LRP1B: variants seen among roughly 807,000 people sequenced by gnomAD.
LRP1B encodes the protein low-density lipoprotein receptor-related protein 1B.
In LRP1B, 217 loss-of-function variants were observed where a neutral mutation model predicts 556.6. The observed-to-expected ratio is 0.39, with a 90% CI of 0.35 to 0.44. The LOEUF is 0.44. Ranked by LOEUF, LRP1B falls within the 20% of genes least tolerant of loss-of-function variation. The pLI is 1.00. For missense variants in LRP1B, 5,053 were observed against 5,620.8 expected (o/e 0.90, Z 3.23); for synonymous variants, 2,047 against 1,865.8 (o/e 1.10, Z -2.50).
intron 2 of LRP1B, among the ~76,000 whole-genome samples, chr2:141,580,097 G>C (rs1223933876): frequency 6.6e-6 from 1 of 152,268 alleles, no homozygotes; most frequent in African/African-American, 2.4e-5. Context: ...TGGTATTCAA[G>C]ATACTTTGAC....
At chr2:141,093,515 G>A (rs938714268) in intron 7 of LRP1B, among the ~76,000 whole-genome samples, 2 of 152,148 alleles carry the variant, frequency 1.3e-5, no homozygotes, top group Non-Finnish European at 2.9e-5. Flanking sequence ...AATGAGAACA[G>A]TGAAACACTG....
At chr2:141,041,988 T>A (rs1698716350) in intron 11 of LRP1B, among the ~76,000 whole-genome samples, 2 of 152,078 alleles carry the variant, frequency 1.3e-5, no homozygotes, top group Admixed American at 1.3e-4. Context: ...GTTCTGGGGA[T>A]GAGGACCTAG....
intron 2 of LRP1B, among the ~76,000 whole-genome samples, chr2:141,779,851 T>C (rs988298232): frequency 6.6e-6 from 1 of 151,888 alleles, no homozygotes; most frequent in African/African-American, 2.4e-5. Context: ...GTCACTGATA[T>C]TTTCACTATG....
chr2:141,760,636 A>G (rs1694510505), intron 2 of LRP1B, among the ~76,000 whole-genome samples: 1 of 152,200 alleles, frequency 6.6e-6, no homozygotes, highest in African/African-American at 2.4e-5. Flanking sequence ...AAATCTTTTT[A>G]AGGTTGGGTC....
intron 1 of LRP1B, among the ~76,000 whole-genome samples, chr2:141,842,713 T>C (rs1189666400): frequency 6.6e-6 from 1 of 152,136 alleles, no homozygotes; most frequent in Non-Finnish European, 1.5e-5. Flanking sequence ...GGATGGATAA[T>C]GAAACAATCG....
chr2:141,007,062 A>T (rs979946933), intron 14 of LRP1B, among the ~76,000 whole-genome samples: 2 of 151,908 alleles, frequency 1.3e-5, no homozygotes, highest in African/African-American at 4.8e-5. Flanking sequence ...AATAAATAAC[A>T]TTTTTTATAT....
At chr2:140,936,265 G>C (rs1442629873) in intron 20 of LRP1B, among the ~76,000 whole-genome samples, 1 of 146,610 alleles carries the variant, frequency 6.8e-6, no homozygotes, top group African/African-American at 2.5e-5. Flanking sequence ...GCTTGAACCT[G>C]GGAGGTGGAG....
chr2:140,558,418 A>C (rs933043579), intron 43 of LRP1B, among the ~76,000 whole-genome samples: 1 of 152,218 alleles, frequency 6.6e-6, no homozygotes, highest in Non-Finnish European at 1.5e-5. Context: ...TCATGGTTAA[A>C]AGTAAGTGAA....
chr2:141,505,367 C>T (rs1041918314), intron 2 of LRP1B, among the ~76,000 whole-genome samples: 2 of 152,034 alleles, frequency 1.3e-5, no homozygotes, highest in East Asian at 1.9e-4. Flanking sequence ...GTAAATAGCA[C>T]ATTTTAAGTC....
intron 3 of LRP1B, among the ~76,000 whole-genome samples, chr2:141,370,428 C>T (rs890682117): frequency 1.3e-5 from 2 of 152,096 alleles, no homozygotes; most frequent in Non-Finnish European, 2.9e-5. Context: ...TCATAGACTT[C>T]TTGGCCATTT....
chr2:141,312,796 C>A (rs1399508597), intron 3 of LRP1B, among the ~76,000 whole-genome samples: 2 of 151,810 alleles, frequency 1.3e-5, no homozygotes, highest in Non-Finnish European at 2.9e-5. Flanking sequence ...TCAAGAGATT[C>A]TCTTGCCTCA....
chr2:140,773,602 A>T (rs1689392561), intron 33 of LRP1B, among the ~76,000 whole-genome samples: 1 of 151,590 alleles, frequency 6.6e-6, no homozygotes, highest in Non-Finnish European at 1.5e-5. Context: ...GCCATATATA[A>T]GTATTATATA....
intron 2 of LRP1B, among the ~76,000 whole-genome samples, chr2:141,716,038 G>A (rs931948080): frequency 8.5e-5 from 13 of 152,116 alleles, no homozygotes; most frequent in African/African-American, 2.9e-4. Context: ...CTTTAGCAAT[G>A]GGGATTTCAG....
chr2:141,882,063 G>A (rs16847499), intron 1 of LRP1B, among the ~76,000 whole-genome samples: 13,064 of 152,000 alleles, frequency 0.086, 601 homozygotes, highest in African/African-American at 0.12. Context: ...GGCCTCAAGA[G>A]ATGTTTTTAA....
At position 141,520,331 on chromosome 2, in the gene LRP1B, C is replaced by G. The variant is rs563664933; in HGVS notation, c.206-39798G>C. 1.1e-3 allele frequency among the ~76,000 whole-genome samples: 163 copies of G among 152,292 alleles called. 2 individuals are homozygous for G. Among genetic ancestry groups the G allele is most frequent in the African/African-American group, 3.8e-3 (159 of 41,576 alleles). On this transcript the variant is annotated intron_variant, in intron 2 of 90. Coordinates refer to ENST00000389484, the MANE Select transcript of LRP1B (RefSeq NM_018557.3). ...TTCTGTCAGAGCATCCTTATCAAAA[C>G]CAGTCGTAATTGCCATTTCCTTGTA...
chr2:141,972,587 CAA>C (rs58540950), intron 1 of LRP1B, among the ~76,000 whole-genome samples: 6,313 of 143,934 alleles, frequency 0.044, 421 homozygotes, highest in African/African-American at 0.15. Context: ...AATGCAGGTG[CAA>C]AAAAAAAAAA....
intron 3 of LRP1B, among the ~76,000 whole-genome samples, chr2:141,255,362 T>C (rs952524958): frequency 2.0e-5 from 3 of 152,058 alleles, no homozygotes; most frequent in Admixed American, 2.0e-4. Context: ...GATACTGTTG[T>C]TTTTACTCTT....
intron 3 of LRP1B, among the ~76,000 whole-genome samples, chr2:141,413,248 C>G (rs1690923080): frequency 6.6e-6 from 1 of 152,068 alleles, no homozygotes; most frequent in Admixed American, 6.6e-5. Flanking sequence ...AGATTAAGGA[C>G]TTTGAGATGG....
chr2:141,231,466 G>C (rs1683463211), intron 5 of LRP1B, among the ~76,000 whole-genome samples: 2 of 152,096 alleles, frequency 1.3e-5, no homozygotes, highest in East Asian at 3.9e-4. Context: ...CCCAGAGGTA[G>C]CAAAAAAAAG....
Sources: gnomAD v4.1 joint callset for allele counts (sites outside exome capture counted in the v4.1 genomes callset) on GRCh38, gnomAD v4.1.1 for gene constraint, MANE v1.5 for transcripts, NCBI Gene and HGNC (gene_info 2026-07-23, HGNC 2026-07-21) for gene names.